Variants in ANKRD26 observed in about 807,000 individuals in gnomAD.
ANKRD26 encodes the protein ankyrin repeat domain-containing protein 26.
A neutral mutation model predicts 208.7 loss-of-function variants in ANKRD26; 141 were observed. The ratio of observed to expected loss-of-function variants is 0.68; its 90% CI spans 0.59 to 0.78. The LOEUF is 0.78. Ranked by LOEUF, ANKRD26 falls within the 30% of genes least tolerant of loss-of-function variation. The pLI is 0.00. For missense variants in ANKRD26, 1,889 were observed against 1,938.7 expected, an observed-to-expected ratio of 0.97 and a Z score of 0.48; for synonymous variants, 636 against 660.4, an observed-to-expected ratio of 0.96 and a Z score of 0.57.
chr10:27,019,462 G>A (rs147821010), intron 29 of ANKRD26, among the ~76,000 whole-genome samples: 17 of 152,152 alleles, frequency 1.1e-4, no homozygotes, highest in African/African-American at 3.6e-4. Flanking sequence ...CCAGCCAATG[G>A]CCACCATCAG....
At chr10:27,054,936 T>C (rs1791787494) in intron 15 of ANKRD26, among the ~76,000 whole-genome samples, 2 of 152,152 alleles carry the variant, frequency 1.3e-5, no homozygotes, top group Non-Finnish European at 2.9e-5. Context: ...CCTATTTGCA[T>C]TGGAGACAGA....
chr10:26,951,013 C>CTTTTTT, the ANKRD26 span, among the ~76,000 whole-genome samples: 132 of 100,866 alleles, frequency 1.3e-3, 14 homozygotes, highest in African/African-American at 7.0e-3. Flanking sequence ...CTTTTCTTTT[C>CTTTTTT]TTTTTCTTTT....
chr10:27,082,114 C>A (rs1178346197), intron 6 of ANKRD26, among the ~76,000 whole-genome samples: 1 of 147,916 alleles, frequency 6.8e-6, no homozygotes, highest in African/African-American at 2.5e-5. Flanking sequence ...TCCAGCAACT[C>A]AGATGGAGCT....
Position 27,064,056 on chromosome 10 carries a change from T to A in ANKRD26, c.1295A>T (p.Lys432Met). The A allele has an allele frequency of 7.4e-6, 12 of 1,611,362 alleles. No homozygotes were observed. Among genetic ancestry groups the A allele is most frequent in the Non-Finnish European group, 1.0e-5 (12 of 1,179,410 alleles). ...SESISENFPQ[K>M]YVDPLAGAAD... ...AGCCCCAGCTAAAGGATCAACATAC[T>A]TCTGTGGAAAATTCTCAGAGATACT... is the stretch of plus-strand genomic sequence containing the variant. The change falls in exon 12 of 34, where the codon AAG becomes ATG. Residue 432 changes from lysine (K) to methionine (M), a missense_variant. Physicochemically the swap from Lys to Met is moderately conservative, Grantham distance 95. Transcript: ENST00000376087.
At chr10:26,957,341 T>C in the ANKRD26 span, among the ~76,000 whole-genome samples, 2 of 152,140 alleles carry the variant, frequency 1.3e-5, no homozygotes, top group South Asian at 2.1e-4. Context: ...TGAGCCAAAG[T>C]TGGGCCACCA....
chr10:26,983,878 C>G (rs1157656541), intron 3 of ANKRD26, among the ~76,000 whole-genome samples: 2 of 152,090 alleles, frequency 1.3e-5, no homozygotes, highest in Non-Finnish European at 2.9e-5. Context: ...TGATGTAATA[C>G]ATTTTGGTGT....
In ANKRD26 at chr10:27,005,493, C is replaced by A; in HGVS notation, c.*97G>T. The A allele has an allele frequency of 1.3e-6, 2 of 1,539,732 alleles. No individual in the cohort carries two copies. The highest frequency in any genetic ancestry group is 1.2e-5 in the South Asian group (1 of 81,010). Reference sequence around the variant, plus strand: ...AAATTTTGATCTGACATATATGATACAAAAATACGTTCCTTTAATATTTTT... The same window carrying A: ...AAATTTTGATCTGACATATATGATAAAAAAATACGTTCCTTTAATATTTTT... On this transcript the variant is annotated 3_prime_UTR_variant, in exon 34 of 34. Transcript: ENST00000376087.
intron 32 of ANKRD26, among the ~76,000 whole-genome samples, chr10:27,007,547 T>A (rs1817113062): frequency 6.6e-6 from 1 of 152,152 alleles, no homozygotes; most frequent in Non-Finnish European, 1.5e-5. Flanking sequence ...TCCCAGCTAC[T>A]TGGGAGGCGG....
chr10:26,984,273 T>A (rs143278638), intron 3 of ANKRD26, among the ~76,000 whole-genome samples: 75 of 152,300 alleles, frequency 4.9e-4, no homozygotes, highest in African/African-American at 1.7e-3. Context: ...GGTGGGCCAG[T>A]GTCTTGGGTT....
chr10:26,979,387 T>C (rs1049863565), intron 5 of ANKRD26, among the ~76,000 whole-genome samples: 4 of 152,156 alleles, frequency 2.6e-5, no homozygotes, highest in African/African-American at 9.7e-5. Flanking sequence ...AGAAGGCTGG[T>C]CCACAAAACA....
the ANKRD26 span, among the ~76,000 whole-genome samples, chr10:26,949,263 T>G: frequency 5.3e-5 from 8 of 152,154 alleles, no homozygotes; most frequent in Non-Finnish European, 8.8e-5. Flanking sequence ...TTGCCTTAAT[T>G]GAAGTATGAT....
chr10:27,004,032 T>C (rs2052788845), downstream of ANKRD26: 1 of 152,200 alleles, frequency 6.6e-6, no homozygotes, highest in African/African-American at 2.4e-5. Context: ...TTGACCATTA[T>C]ACTACAGTTA....
chr10:27,053,070 T>C (rs1430676302), intron 16 of ANKRD26, among the ~76,000 whole-genome samples: 1 of 152,142 alleles, frequency 6.6e-6, no homozygotes, highest in East Asian at 1.9e-4. Context: ...ACTCAGGAAA[T>C]TTCTGGCTTC....
intron 25 of ANKRD26, chr10:27,030,344 T>C (rs1176763870): frequency 2.1e-6 from 2 of 966,882 alleles, no homozygotes. Context: ...CAGTGGGCAA[T>C]GACCACAATG....
chr10:27,016,076 C>T (rs567402277), intron 30 of ANKRD26, among the ~76,000 whole-genome samples: 23 of 152,262 alleles, frequency 1.5e-4, no homozygotes, highest in Admixed American at 7.2e-4. Flanking sequence ...CTTGAAAACT[C>T]CTGGGCTTAC....
chr10:26,966,728 G>A, the ANKRD26 span, among the ~76,000 whole-genome samples: 3 of 152,280 alleles, frequency 2.0e-5, no homozygotes, highest in South Asian at 2.1e-4. Flanking sequence ...AAGATGATGA[G>A]CATGCAGAAT....
intron 22 of ANKRD26, 84 bp downstream of exon 22, chr10:27,037,787 A>G (rs1409998750): frequency 8.9e-7 from 1 of 1,128,742 alleles, no homozygotes; most frequent in Non-Finnish European, 1.3e-6. Flanking sequence ...TTAAACCTAG[A>G]TAACATATAT....
downstream of ANKRD26, among the ~76,000 whole-genome samples, chr10:26,973,707 G>A (rs1360565137): frequency 3.1e-5 from 4 of 130,296 alleles, no homozygotes; most frequent in Non-Finnish European, 6.2e-5. Flanking sequence ...AGGCTGGAGT[G>A]CAGTGGTGCA....
At chr10:26,986,755 G>T (rs2052395689) in intron 3 of ANKRD26, among the ~76,000 whole-genome samples, 1 of 152,268 alleles carries the variant, frequency 6.6e-6, no homozygotes, top group South Asian at 2.1e-4. Context: ...AGTTAGAATG[G>T]TGATCATTAA....
Sources: gnomAD v4.1 joint callset for allele counts (sites outside exome capture counted in the v4.1 genomes callset) on GRCh38, gnomAD v4.1.1 for gene constraint, MANE v1.5 for transcripts, NCBI Gene and HGNC (gene_info 2026-07-23, HGNC 2026-07-21) for gene names.